The following TCF25 variants were observed in gnomAD, a reference collection of about 807,000 sequenced individuals.
The protein encoded by TCF25 is ribosome quality control complex subunit TCF25.
A neutral mutation model predicts 83.1 loss-of-function variants in TCF25; 41 were observed. The ratio of observed to expected loss-of-function variants is 0.49; its 90% CI spans 0.38 to 0.64. The LOEUF is 0.64. TCF25 is among the 30% of genes least tolerant of loss of function. The probability of loss-of-function intolerance (pLI) is 0.00; values close to 1 mark genes in which losing one functional copy is unlikely to be tolerated. For synonymous variants in TCF25, 458 were observed against 365.0 expected (o/e 1.25, Z -2.90); for missense variants, 979 against 914.5 (o/e 1.07, Z -0.91).
At chr16:89,893,113 G>C (rs566617929) in intron 6 of TCF25, among the ~76,000 whole-genome samples, 3 of 152,314 alleles carry the variant, frequency 2.0e-5, no homozygotes, top group African/African-American at 7.2e-5. Flanking sequence ...ATTCCTGCAG[G>C]ACTGGGGCCT....
rs1567726802 is a variant in TCF25, at chr16:89,900,258, G to GCGGTGGGCTGCTCT, written c.1222-376_1222-375insGGTGGGCTGCTCTC. ...CGGGCTGCTCTCGGAAACTCGCGCG[G>GCGGTGGGCTGCTCT]CAGTGGGCTGCTCTCACAGACTCGC... On this transcript the variant is annotated intron_variant, in intron 11 of 17. Transcript: ENST00000263346. Among the ~76,000 whole-genome samples the GCGGTGGGCTGCTCT allele has an allele frequency of 6.5e-5, 9 of 137,620 alleles. No individual in the cohort carries two copies. In the East Asian group the frequency reaches 8.5e-4, roughly 13 times the overall value. The allele number at this position is 137,620 out of a possible 152,430, so 90.3% of individuals were successfully genotyped here.
At chr16:89,904,376 C>A in intron 13 of TCF25, 171 bp downstream of exon 13, 1 of 720,346 alleles carries the variant, frequency 1.4e-6, no homozygotes, top group South Asian at 1.8e-5. Context: ...GAGCCCTCAT[C>A]TGTGTGGAAA....
Position 89,895,120 on chromosome 16 carries a change from T to A in TCF25, c.911T>A (p.Met304Lys). Residue 304 changes from methionine to lysine, a missense_variant, in exon 8 of 18, where the codon ATG becomes AAG. Coordinates refer to ENST00000263346, the MANE Select transcript of TCF25 (RefSeq NM_014972.3). ...TGCCGCTTTCAAGAGGATCAGGAGA[T>A]GGCTCGAGACCTCGTAGGTAAGGCA... ...DACRFQEDQE[M>K]ARDLVERALY... 6.2e-7 allele frequency: 1 copy of A among 1,612,890 alleles called. No homozygotes were observed. Among genetic ancestry groups the A allele is most frequent in the Non-Finnish European group, 8.5e-7 (1 of 1,179,586 alleles).
intron 15 of TCF25, 43 bp downstream of exon 15, chr16:89,906,327 C>T (rs2044777283): frequency 1.3e-6 from 2 of 1,588,762 alleles, no homozygotes; most frequent in African/African-American, 2.7e-5. Context: ...GTAAGCCGGT[C>T]ACATGCACGT....
intron 1 of TCF25, 131 bp downstream of exon 1, chr16:89,873,990 A>G (rs1385128616): frequency 1.6e-6 from 1 of 624,074 alleles, no homozygotes; most frequent in South Asian, 2.5e-5. Context: ...TCCCAGCCGC[A>G]GTGGGGAGGG....
chr16:89,899,562 C>G (rs1459550591), intron 11 of TCF25, among the ~76,000 whole-genome samples: 1 of 152,108 alleles, frequency 6.6e-6, no homozygotes, highest in Non-Finnish European at 1.5e-5. Context: ...AACCCTGTCT[C>G]TACTAAAAAT....
chr16:89,883,644 C>G, intron 2 of TCF25, 132 bp downstream of exon 2: 2 of 1,080,040 alleles, frequency 1.9e-6, no homozygotes, highest in South Asian at 3.3e-5. Context: ...CTGCTAGTTG[C>G]CCCCAAATTT....
chr16:89,875,352 C>T (rs1304194230), intron 1 of TCF25, among the ~76,000 whole-genome samples: 2 of 151,636 alleles, frequency 1.3e-5, no homozygotes, highest in Non-Finnish European at 2.9e-5. Flanking sequence ...TCTTTTTGCT[C>T]GTGGAAGCTT....
intron 1 of TCF25, chr16:89,878,433 C>CTT (rs1567692443): frequency 1.5e-4 from 133 of 861,896 alleles, no homozygotes; most frequent in Non-Finnish European, 1.8e-4. Context: ...TAAAAATCAC[C>CTT]ATTTTTTTTT....
At chr16:89,897,807 TAAAC>T (rs1233080628) in intron 9 of TCF25, among the ~76,000 whole-genome samples, 2 of 147,364 alleles carry the variant, frequency 1.4e-5, no homozygotes, top group South Asian at 2.2e-4. Flanking sequence ...TGATAAATAA[TAAAC>T]AAAAAAACAA....
rs1212740156 is a variant in TCF25, at chr16:89,909,044, A to G, written c.1800-1547A>G. 7.0e-6 allele frequency: 9 copies of G among 1,289,276 alleles called. No individual in the cohort carries two copies. The African/African-American group carries it at 1.2e-4, about 17-fold the overall frequency. 79.9% of individuals were successfully genotyped at this position (1,289,276 alleles called of 1,614,324 possible). ...GCAGGCCACGTTCTTTCCCATCTCCACCGAATGTACAAGCGCTTGCGTGTC... is the reference window on the plus strand; with the variant it reads ...GCAGGCCACGTTCTTTCCCATCTCCGCCGAATGTACAAGCGCTTGCGTGTC... On this transcript the variant is annotated intron_variant, in intron 16 of 17. Coordinates refer to ENST00000263346, the MANE Select transcript of TCF25 (RefSeq NM_014972.3).
At chr16:89,883,258 A>T in intron 1 of TCF25, 93 bp from the exon 2 acceptor site, 1 of 1,531,950 alleles carries the variant, frequency 6.5e-7, no homozygotes, top group Non-Finnish European at 8.8e-7. Flanking sequence ...GGGGTCCCCA[A>T]CGCAAGCCCG....
chr16:89,910,763 C>A, intron 17 of TCF25, 100 bp downstream of exon 17: 2 of 1,364,798 alleles, frequency 1.5e-6, no homozygotes, highest in South Asian at 1.2e-5. Flanking sequence ...ACTGTGCCAG[C>A]CGGCACAGGG....
intron 3 of TCF25, 137 bp from the exon 4 acceptor site, chr16:89,885,711 T>C (rs1055307663): frequency 2.8e-6 from 2 of 714,788 alleles, no homozygotes; most frequent in African/African-American, 3.6e-5. Flanking sequence ...GGATGGTACA[T>C]AGTGTTTGAC....
intron 16 of TCF25, chr16:89,910,024 A>G (rs891431526): frequency 1.3e-5 from 2 of 153,132 alleles, no homozygotes; most frequent in Non-Finnish European, 2.9e-5. Flanking sequence ...TCACCCGCAC[A>G]GCGGTCGTCG....
intron 1 of TCF25, among the ~76,000 whole-genome samples, chr16:89,874,376 G>A (rs976591431): frequency 5.3e-5 from 8 of 152,060 alleles, no homozygotes; most frequent in Admixed American, 2.6e-4. Context: ...CACCGTGGGG[G>A]TGGGGCCACG....
Position 89,877,135 on chromosome 16 carries a change from G to A in TCF25, c.192+3276G>A, listed in dbSNP as rs545948008. 8.6e-5 allele frequency among the ~76,000 whole-genome samples: 13 copies of A among 151,730 alleles called. No homozygotes were observed. In the South Asian group the frequency reaches 1.5e-3, roughly 17 times the overall value. ...AAATAAATAAATAAATAAATAAATCGTAATAATAATTATGGATTTGTCTAT... is the reference window on the plus strand; with the variant it reads ...AAATAAATAAATAAATAAATAAATCATAATAATAATTATGGATTTGTCTAT... On this transcript the variant is annotated intron_variant, in intron 1 of 17. Transcript: ENST00000263346.
At chr16:89,889,150 C>T (rs1261281818) in intron 5 of TCF25, 3 of 365,148 alleles carry the variant, frequency 8.2e-6, no homozygotes, top group Non-Finnish European at 1.6e-5. Flanking sequence ...GTATATTCCA[C>T]CTCTGGACTC....
chr16:89,892,719 A>G (rs183268245), intron 6 of TCF25, among the ~76,000 whole-genome samples: 202 of 152,358 alleles, frequency 1.3e-3, no homozygotes, highest in African/African-American at 4.7e-3. Context: ...ATGAATTGCA[A>G]CAGTGAAGAC....
Sources: gnomAD v4.1 joint callset for allele counts (sites outside exome capture counted in the v4.1 genomes callset) on GRCh38, gnomAD v4.1.1 for gene constraint, MANE v1.5 for transcripts, NCBI Gene and HGNC (gene_info 2026-07-23, HGNC 2026-07-21) for gene names.